Variants in HPSE2 observed in about 807,000 individuals in gnomAD.
HPSE2 encodes the protein heparanase 2 (inactive).
A neutral mutation model predicts 60.5 loss-of-function variants in HPSE2; 38 were observed. The observed-to-expected ratio is 0.63, with a 90% CI of 0.48 to 0.82. The LOEUF (loss-of-function observed/expected upper bound fraction) is 0.82. Among genes scored for constraint, HPSE2 ranks in the 40% least tolerant of loss-of-function variants. The pLI, the probability that HPSE2 is intolerant of heterozygous loss-of-function variation, is 0.00. For missense variants in HPSE2, 713 were observed against 740.4 expected, an observed-to-expected ratio of 0.96 and a Z score of 0.43; for synonymous variants, 295 against 293.2, an observed-to-expected ratio of 1.01 and a Z score of -0.06.
At chr10:98,986,918 A>G (rs1215265613) in intron 3 of HPSE2, among the ~76,000 whole-genome samples, 1 of 152,240 alleles carries the variant, frequency 6.6e-6, no homozygotes, top group Non-Finnish European at 1.5e-5. Flanking sequence ...TTCTCGGCAC[A>G]TAAACCCTCC....
chr10:98,534,447 C>G (rs1943221584), intron 9 of HPSE2, among the ~76,000 whole-genome samples: 1 of 152,052 alleles, frequency 6.6e-6, no homozygotes, highest in African/African-American at 2.4e-5. Context: ...TCTTGTCGCC[C>G]AGGCTGGAGT....
At chr10:98,844,995 C>T (rs1952001937) in intron 3 of HPSE2, among the ~76,000 whole-genome samples, 1 of 152,076 alleles carries the variant, frequency 6.6e-6, no homozygotes, top group Non-Finnish European at 1.5e-5. Context: ...CTGTTAAATG[C>T]CATTAAGATG....
At chr10:98,984,013 GC>G (rs1328869162) in intron 3 of HPSE2, among the ~76,000 whole-genome samples, 1 of 152,204 alleles carries the variant, frequency 6.6e-6, no homozygotes, top group Non-Finnish European at 1.5e-5. Flanking sequence ...ACTGGGTGGA[GC>G]CCACGGCAGC....
intron 3 of HPSE2, among the ~76,000 whole-genome samples, chr10:99,048,614 C>T (rs1564764571): frequency 6.6e-6 from 1 of 152,076 alleles, no homozygotes; most frequent in Admixed American, 6.6e-5. Flanking sequence ...AAAGGGGGTG[C>T]TTATACACTG....
chr10:99,123,729 G>T (rs72838845), intron 3 of HPSE2, among the ~76,000 whole-genome samples: 4,764 of 152,294 alleles, frequency 0.031, 117 homozygotes, highest in Middle Eastern at 0.085. Context: ...CCTTTCTACA[G>T]GCAGGTGGTT....
chr10:98,767,690 T>C (rs1950152250), intron 3 of HPSE2, among the ~76,000 whole-genome samples: 2 of 145,700 alleles, frequency 1.4e-5, no homozygotes, highest in Non-Finnish European at 3.0e-5. Context: ...TATATCAATA[T>C]TTTTATACAT....
chr10:98,893,881 T>G (rs1303043027), intron 3 of HPSE2, among the ~76,000 whole-genome samples: 1 of 143,584 alleles, frequency 7.0e-6, no homozygotes, highest in Non-Finnish European at 1.5e-5. Flanking sequence ...CAAAGGGCTA[T>G]ACCATAATGA....
At chr10:98,720,907 A>G (rs1230784446) in intron 5 of HPSE2, among the ~76,000 whole-genome samples, 2 of 152,206 alleles carry the variant, frequency 1.3e-5, no homozygotes, top group African/African-American at 4.8e-5. Flanking sequence ...GTAAAATTAT[A>G]TCTGTATAAC....
intron 4 of HPSE2, among the ~76,000 whole-genome samples, chr10:98,739,263 G>T (rs929099265): frequency 5.3e-5 from 8 of 152,190 alleles, no homozygotes; most frequent in African/African-American, 1.9e-4. Flanking sequence ...ATAAGTGGGA[G>T]GTGAATAATG....
chr10:98,609,482 A>C (rs1350860272), intron 9 of HPSE2, among the ~76,000 whole-genome samples: 3 of 152,226 alleles, frequency 2.0e-5, no homozygotes, highest in Non-Finnish European at 4.4e-5. Flanking sequence ...TGATTGCAGC[A>C]ATTTTCCATA....
intron 3 of HPSE2, among the ~76,000 whole-genome samples, chr10:98,852,163 GTGTATA>G (rs201196175): frequency 0.012 from 1,554 of 125,566 alleles, 36 homozygotes; most frequent in South Asian, 0.023. Flanking sequence ...GTGTGTGTGT[GTGTATA>G]TATGTTTGGT....
intron 3 of HPSE2, among the ~76,000 whole-genome samples, chr10:98,771,207 G>A (rs763265226): frequency 1.3e-5 from 2 of 152,158 alleles, no homozygotes; most frequent in Non-Finnish European, 2.9e-5. Flanking sequence ...TGGCTAAGCA[G>A]AAAACTGAAG....
In HPSE2 at chr10:98,518,637, A is replaced by G. The variant is rs572538961; in HGVS notation, c.1321-28441T>C. 1.5e-3 allele frequency among the ~76,000 whole-genome samples: 229 copies of G among 151,308 alleles called. 2 individuals carry two copies. Among genetic ancestry groups the G allele is most frequent in the Non-Finnish European group, 2.4e-3 (160 of 67,890 alleles). ...CAGGAGAATCGCTTGAACCCAGGAG[A>G]TGGAGGTTGCAGTGAGCTGAGATTG... On this transcript the variant is annotated intron_variant, in intron 9 of 11. Coordinates refer to ENST00000370552, the MANE Select transcript of HPSE2 (RefSeq NM_021828.5).
At chr10:99,043,591 G>A (rs540017751) in intron 3 of HPSE2, among the ~76,000 whole-genome samples, 2 of 152,304 alleles carry the variant, frequency 1.3e-5, no homozygotes, top group East Asian at 3.9e-4. Flanking sequence ...TCAAGATTCA[G>A]GAGAAAGTTG....
intron 10 of HPSE2, among the ~76,000 whole-genome samples, chr10:98,485,965 C>T (rs1351214142): frequency 6.6e-6 from 1 of 152,120 alleles, no homozygotes; most frequent in Non-Finnish European, 1.5e-5. Flanking sequence ...GGAAAGCTGT[C>T]TTTTTCAAGC....
At chr10:98,482,443 G>A in intron 11 of HPSE2, among the ~76,000 whole-genome samples, 193 bp downstream of exon 11, 1 of 152,290 alleles carries the variant, frequency 6.6e-6, no homozygotes, top group African/African-American at 2.4e-5. Flanking sequence ...TACAACTGGG[G>A]AATCTAAGAT....
At chr10:99,290,611 A>C in the HPSE2 span, among the ~76,000 whole-genome samples, 1 of 39,950 alleles carries the variant, frequency 2.5e-5, no homozygotes, top group East Asian at 4.0e-4. Flanking sequence ...CTCTCTGATC[A>C]CTGCTCCATT....
intron 1 of HPSE2, 143 bp from the exon 2 acceptor site, chr10:99,232,648 C>T (rs1849697501): frequency 1.0e-6 from 1 of 975,162 alleles, no homozygotes; most frequent in Non-Finnish European, 1.6e-6. Context: ...CGGCAGTCCA[C>T]GCTGGCCCTT....
intron 2 of HPSE2, among the ~76,000 whole-genome samples, chr10:99,200,886 C>T (rs909203146): frequency 2.0e-5 from 3 of 152,134 alleles, no homozygotes; most frequent in Non-Finnish European, 2.9e-5. Context: ...ATCTCACATA[C>T]AAAAGTACTT....
Sources: gnomAD v4.1 joint callset for allele counts (sites outside exome capture counted in the v4.1 genomes callset) on GRCh38, gnomAD v4.1.1 for gene constraint, MANE v1.5 for transcripts, NCBI Gene and HGNC (gene_info 2026-07-23, HGNC 2026-07-21) for gene names.